TAFA2: variants seen among roughly 807,000 people sequenced by gnomAD.
TAFA2 encodes TAFA chemokine like family member 2.
A neutral mutation model predicts 18.8 loss-of-function variants in TAFA2; 7 were observed. The observed-to-expected ratio is 0.37, with a 90% confidence interval of 0.21 to 0.70. The LOEUF (loss-of-function observed/expected upper bound fraction) is 0.70. Ranked by LOEUF, TAFA2 falls within the 30% of genes least tolerant of loss-of-function variation. The pLI, the probability that TAFA2 is intolerant of heterozygous loss-of-function variation, is 0.53. For missense variants in TAFA2, 122 were observed against 158.1 expected, an observed-to-expected ratio of 0.77 and a Z score of 1.23; for synonymous variants, 60 against 54.2, an observed-to-expected ratio of 1.11 and a Z score of -0.47.
At chr12:62,111,918 T>G (rs998694660) in intron 1 of TAFA2, among the ~76,000 whole-genome samples, 1 of 152,208 alleles carries the variant, frequency 6.6e-6, no homozygotes, top group Non-Finnish European at 1.5e-5. Flanking sequence ...TACAGAACAC[T>G]GATGTGTCTT....
intron 2 of TAFA2, among the ~76,000 whole-genome samples, chr12:61,838,563 G>T (rs751809234): frequency 2.0e-5 from 3 of 152,002 alleles, no homozygotes; most frequent in Non-Finnish European, 4.4e-5. Flanking sequence ...AGGATCATGT[G>T]GGGCCTTTTG....
intron 1 of TAFA2, among the ~76,000 whole-genome samples, chr12:62,127,936 TA>T (rs1200559757): frequency 1.1e-4 from 16 of 151,988 alleles, no homozygotes; most frequent in African/African-American, 2.9e-4. Context: ...TTAGTGTCTG[TA>T]ATTCACACTG....
At position 62,244,277 on chromosome 12, in the gene TAFA2, C is replaced by T. The variant is rs75873215; in HGVS notation, c.-130+14486G>A. Among the ~76,000 whole-genome samples, 691 of 133,936 alleles carry T rather than the reference C, an allele frequency of 5.2e-3. 8 individuals carry two copies. The highest frequency in any genetic ancestry group is 0.02 in the African/African-American group (669 of 34,188). The allele number at this position is 133,936 out of a possible 152,430, so 87.9% of individuals were successfully genotyped here. A position where few individuals can be genotyped will look rare whatever the true frequency, so the allele number is the denominator to read the frequency against. ...TGCATAATGTTTTATTTGGGGTTTA[C>T]GGAAGAACAAAGATAGATATATAAA... On this transcript the variant is annotated intron_variant, in intron 1 of 5. Transcript: ENST00000551619.
At chr12:61,867,220 C>G (rs1432266388) in intron 2 of TAFA2, 100 bp downstream of exon 2, 4 of 734,944 alleles carry the variant, frequency 5.4e-6, no homozygotes, top group East Asian at 2.6e-5. Flanking sequence ...GAATCTATAC[C>G]TAGTAAAATT....
chr12:62,119,817 T>C (rs1301818600), intron 1 of TAFA2, among the ~76,000 whole-genome samples: 1 of 152,160 alleles, frequency 6.6e-6, no homozygotes, highest in African/African-American at 2.4e-5. Flanking sequence ...CTCACACCTA[T>C]AATCCCAGCA....
chr12:61,979,576 A>C (rs2136674951), intron 1 of TAFA2, among the ~76,000 whole-genome samples: 1 of 152,172 alleles, frequency 6.6e-6, no homozygotes, highest in South Asian at 2.1e-4. Flanking sequence ...TATTCTAGCA[A>C]CCCACTGAAG....
At chr12:61,746,999 A>G (rs943870189) in intron 4 of TAFA2, among the ~76,000 whole-genome samples, 2 of 152,054 alleles carry the variant, frequency 1.3e-5, no homozygotes, top group Non-Finnish European at 2.9e-5. Context: ...AGAATCTACA[A>G]TGAGCTCAAA....
chr12:61,753,706 T>C lies in TAFA2; in HGVS notation c.300A>G (p.Pro100=), dbSNP rs149900113. ...CTTTACATTCTTCTCCCTCTAGACA[T>C]GGCTGCATATGGCACCACCATTTCT... ...VEQKWWCHMQ[P]CLEGEECKVL... The change falls in exon 4 of 5, where the codon CCA becomes CCG. Residue 100 remains proline, a synonymous_variant. Transcript: ENST00000416284. The C allele has an allele frequency of 3.7e-5, 59 of 1,612,402 alleles. No homozygotes were observed. In the African/African-American group the frequency reaches 6.7e-4, roughly 18 times the overall value.
Position 61,768,825 on chromosome 12 carries a change from C to T in TAFA2, c.107-13801G>A, listed in dbSNP as rs1869901634. On this transcript the variant is annotated intron_variant, in intron 2 of 4. Coordinates refer to ENST00000416284, the MANE Select transcript of TAFA2 (RefSeq NM_178539.5). ...TTGACTGAACATGAAGTTTCCTAGA[C>T]AGAATCTGGGGGAGGGGACAAATGG... 3.3e-5 allele frequency among the ~76,000 whole-genome samples: 5 copies of T among 152,010 alleles called. No individual in the cohort carries two copies. The South Asian group carries it at 1.0e-3, about 32-fold the overall frequency.
chr12:62,232,420 C>T (rs1565784569), intron 1 of TAFA2, among the ~76,000 whole-genome samples: 1 of 152,214 alleles, frequency 6.6e-6, no homozygotes, highest in Non-Finnish European at 1.5e-5. Flanking sequence ...ATCCCCTTTA[C>T]TATCAGAAGC....
intron 1 of TAFA2, among the ~76,000 whole-genome samples, chr12:62,124,714 C>T (rs60797517): frequency 6.6e-6 from 1 of 152,028 alleles, no homozygotes; most frequent in Admixed American, 6.6e-5. Context: ...GGCTAGTATT[C>T]AACAATAAAT....
At chr12:61,999,258 C>T (rs1451828816) in intron 1 of TAFA2, among the ~76,000 whole-genome samples, 1 of 152,184 alleles carries the variant, frequency 6.6e-6, no homozygotes, top group Non-Finnish European at 1.5e-5. Flanking sequence ...CCATACGCTT[C>T]ATGCAATAGC....
chr12:61,817,753 GATA>G (rs1872144190), intron 2 of TAFA2, among the ~76,000 whole-genome samples: 1 of 152,116 alleles, frequency 6.6e-6, no homozygotes, highest in Middle Eastern at 3.2e-3. Context: ...CAATAACAGT[GATA>G]TGTAAAAATG....
chr12:62,028,987 C>T (rs575356725), intron 1 of TAFA2, among the ~76,000 whole-genome samples: 4 of 152,066 alleles, frequency 2.6e-5, no homozygotes, highest in Non-Finnish European at 5.9e-5. Context: ...GGCTAAAATA[C>T]ATGTATTTAA....
intron 1 of TAFA2, among the ~76,000 whole-genome samples, chr12:61,989,321 A>G (rs1266803922): frequency 1.3e-5 from 2 of 152,216 alleles, no homozygotes; most frequent in Non-Finnish European, 2.9e-5. Flanking sequence ...ATGAACTGTT[A>G]TCCCTCCTTA....
chr12:62,141,748 G>C (rs1592361456), intron 1 of TAFA2, among the ~76,000 whole-genome samples: 1 of 152,196 alleles, frequency 6.6e-6, no homozygotes, highest in Non-Finnish European at 1.5e-5. Context: ...AACAGGGGGA[G>C]CTGAATGACT....
At chr12:61,884,765 A>ATGTT (rs1453823166) in intron 1 of TAFA2, among the ~76,000 whole-genome samples, 8 of 152,182 alleles carry the variant, frequency 5.3e-5, no homozygotes, top group Non-Finnish European at 8.8e-5. Flanking sequence ...ACTATGCAAT[A>ATGTT]TGTTTGTACT....
chr12:61,726,776 T>C (rs976382943), intron 4 of TAFA2, among the ~76,000 whole-genome samples: 2 of 152,060 alleles, frequency 1.3e-5, no homozygotes, highest in African/African-American at 4.8e-5. Context: ...ATAAAAGTGG[T>C]GAAAGTGGAC....
At chr12:62,140,606 T>C (rs2062233501) in intron 1 of TAFA2, among the ~76,000 whole-genome samples, 1 of 152,196 alleles carries the variant, frequency 6.6e-6, no homozygotes, top group Non-Finnish European at 1.5e-5. Context: ...TAATCTCTAA[T>C]AAATATCTCA....
Sources: gnomAD v4.1 joint callset for allele counts (sites outside exome capture counted in the v4.1 genomes callset) on GRCh38, gnomAD v4.1.1 for gene constraint, MANE v1.5 for transcripts, NCBI Gene and HGNC (gene_info 2026-07-23, HGNC 2026-07-21) for gene names.